The following TENM1 variants were observed in gnomAD, a reference collection of about 807,000 sequenced individuals.
TENM1 encodes teneurin transmembrane protein 1.
A neutral mutation model predicts 174.8 loss-of-function variants in TENM1; 35 were observed. The ratio of observed to expected loss-of-function variants is 0.20; its 90% CI spans 0.15 to 0.27. The LOEUF (loss-of-function observed/expected upper bound fraction) is 0.27. TENM1 is among the 10% of genes least tolerant of loss of function. The pLI is 1.00. For synonymous variants in TENM1, 781 were observed against 798.7 expected, an observed-to-expected ratio of 0.98 and a Z score of 0.37; for missense variants, 1,633 against 2,130.1, an observed-to-expected ratio of 0.77 and a Z score of 4.59.
intron 1 of TENM1, among the ~76,000 whole-genome samples, chrX:124,911,604 T>G (rs753291749): frequency 1.3e-3 from 142 of 111,638 alleles, no homozygotes; most frequent in Non-Finnish European, 2.4e-3. Context: ...CACAGAGAAG[T>G]GTGTGTTCAA....
intron 23 of TENM1, among the ~76,000 whole-genome samples, chrX:124,441,521 C>G (rs2060902224): frequency 8.9e-6 from 1 of 112,154 alleles, no homozygotes. Context: ...CTTGTAGGAA[C>G]TAACAAGCAC....
the TENM1 span, among the ~76,000 whole-genome samples, chrX:125,018,700 A>G: frequency 9.0e-6 from 1 of 111,330 alleles, no homozygotes; most frequent in Non-Finnish European, 1.9e-5. Flanking sequence ...TTTTTCATCT[A>G]GGGGTACCGT....
chrX:124,405,040 C>G, exon 27 of TENM1: 1 of 1,210,023 alleles, frequency 8.3e-7, no homozygotes, highest in Non-Finnish European at 1.1e-6. Flanking sequence ...CCCTCAGCCT[C>G]CTTTCAAAAG....
chrX:125,113,947 A>G, the TENM1 span, among the ~76,000 whole-genome samples: 1 of 111,261 alleles, frequency 9.0e-6, no homozygotes, highest in African/African-American at 3.3e-5. Flanking sequence ...CCCCAAATCA[A>G]CAGAATATAC....
At chrX:124,654,807 C>T (rs779582447) in intron 6 of TENM1, among the ~76,000 whole-genome samples, 4 of 110,984 alleles carry the variant, frequency 3.6e-5, no homozygotes, top group Non-Finnish European at 7.6e-5. Flanking sequence ...AGAGGTGGGA[C>T]GAATTAGAGC....
At chrX:124,564,089 C>T (rs752602245) in intron 12 of TENM1, among the ~76,000 whole-genome samples, 1 of 112,200 alleles carries the variant, frequency 8.9e-6, no homozygotes, top group East Asian at 2.8e-4. Flanking sequence ...GCTTCAACTT[C>T]TTATTAGTAA....
chrX:125,168,209 C>T, the TENM1 span, among the ~76,000 whole-genome samples: 1 of 111,540 alleles, frequency 9.0e-6, no homozygotes, highest in Non-Finnish European at 1.9e-5. Flanking sequence ...CAAGAGTTAC[C>T]TAGGGCACTT....
the TENM1 span, among the ~76,000 whole-genome samples, chrX:125,053,753 G>A: frequency 0.011 from 1,196 of 111,201 alleles, 12 homozygotes; most frequent in Non-Finnish European, 0.016. Context: ...TTCATGTATC[G>A]GCTGATGTAA....
the TENM1 span, among the ~76,000 whole-genome samples, chrX:125,016,414 C>T: frequency 1.9e-3 from 208 of 110,847 alleles, no homozygotes; most frequent in African/African-American, 6.2e-3. Flanking sequence ...TCCTGTATGC[C>T]AATAATAGAC....
intron 22 of TENM1, among the ~76,000 whole-genome samples, chrX:124,475,204 T>C (rs766953337): frequency 1.8e-5 from 2 of 111,056 alleles, no homozygotes; most frequent in Non-Finnish European, 3.8e-5. Flanking sequence ...ATCATCACTC[T>C]TCTAGCTTCT....
At chrX:124,722,652 A>G (rs2053340344) in intron 4 of TENM1, among the ~76,000 whole-genome samples, 1 of 109,439 alleles carries the variant, frequency 9.1e-6, no homozygotes, top group Admixed American at 9.7e-5. Context: ...CATCCTGGCT[A>G]ACATGGTGAA....
At chrX:124,556,873 C>T (rs1002855772) in intron 14 of TENM1, among the ~76,000 whole-genome samples, 3 of 111,208 alleles carry the variant, frequency 2.7e-5, no homozygotes, top group African/African-American at 9.8e-5. Flanking sequence ...TCTCCCTTTC[C>T]ATGAGCTTTT....
the TENM1 span, among the ~76,000 whole-genome samples, chrX:125,065,612 C>T: frequency 1.8e-5 from 2 of 112,165 alleles, no homozygotes; most frequent in Admixed American, 9.5e-5. Context: ...CTTACAAAAG[C>T]GTCTTGACCT....
intron 3 of TENM1, among the ~76,000 whole-genome samples, chrX:124,809,878 G>GAGAGA (rs748623888): frequency 2.0e-5 from 2 of 99,612 alleles, no homozygotes; most frequent in African/African-American, 4.2e-5. Flanking sequence ...GAGAGAGAGA[G>GAGAGA]AAGCAGGAAG....
intron 20 of TENM1, among the ~76,000 whole-genome samples, chrX:124,489,791 A>G (rs1460179745): frequency 9.0e-6 from 1 of 111,342 alleles, no homozygotes; most frequent in African/African-American, 3.3e-5. Flanking sequence ...CTTGTTCTTC[A>G]TGCTGTTCTC....
chrX:125,028,852 TTTCA>T, the TENM1 span, among the ~76,000 whole-genome samples: 4 of 111,322 alleles, frequency 3.6e-5, no homozygotes, highest in Non-Finnish European at 5.7e-5. Context: ...ACATAAGAAG[TTTCA>T]GCTTTGTCTG....
intron 14 of TENM1, among the ~76,000 whole-genome samples, chrX:124,553,818 T>C (rs748474114): frequency 2.7e-4 from 30 of 111,479 alleles, no homozygotes; most frequent in African/African-American, 8.5e-4. Flanking sequence ...AAAGTAAGCA[T>C]TCAAGGCCCA....
intron 6 of TENM1, among the ~76,000 whole-genome samples, chrX:124,668,953 A>C (rs1335856578): frequency 9.0e-6 from 1 of 111,504 alleles, no homozygotes; most frequent in African/African-American, 3.3e-5. Flanking sequence ...AAGAGAGAAA[A>C]CACTTCGATC....
intron 4 of TENM1, among the ~76,000 whole-genome samples, chrX:124,707,979 T>C (rs2052951559): frequency 8.9e-6 from 1 of 112,467 alleles, no homozygotes; most frequent in South Asian, 3.7e-4. Flanking sequence ...TACATATACA[T>C]GTAGAATGAG....
Sources: allele counts gnomAD v4.1 joint callset (sites outside exome capture counted in the v4.1 genomes callset), GRCh38; gene constraint gnomAD v4.1.1; transcripts MANE v1.5; gene names NCBI Gene and HGNC (gene_info 2026-07-23, HGNC 2026-07-21).